ARHGAP26: variants seen among roughly 807,000 people sequenced by gnomAD.
The protein encoded by ARHGAP26 is Rho GTPase activating protein 26.
ARHGAP26 carries 38 observed loss-of-function variants against 104.8 expected under a neutral mutation model. The ratio of observed to expected loss-of-function variants is 0.36; its 90% CI spans 0.28 to 0.48. The LOEUF (loss-of-function observed/expected upper bound fraction) is 0.48, where lower values mean the gene tolerates loss of function less well. ARHGAP26 is among the 20% of genes least tolerant of loss of function. The pLI is 0.99. For synonymous variants in ARHGAP26, 341 were observed against 340.0 expected, an observed-to-expected ratio of 1.00 and a Z score of -0.03; for missense variants, 704 against 947.9, an observed-to-expected ratio of 0.74 and a Z score of 3.38.
Position 142,770,382 on chromosome 5 carries a change from C to A in ARHGAP26, c.-380C>A, listed in dbSNP as rs1182615853. ...CTAGCAGGTTCGAGCGGCCCAGACA[C>A]CGGCGGGGCGGCCGAGGCTGCTGTG... On this transcript the variant is annotated 5_prime_UTR_variant, in exon 1 of 23. Transcript: ENST00000645722. 1 of 188,920 alleles carries A rather than the reference C, an allele frequency of 5.3e-6. No individual in the cohort carries two copies. The highest frequency in any genetic ancestry group is 1.1e-5 in the Non-Finnish European group (1 of 89,682). 11.7% of individuals were successfully genotyped at this position (188,920 alleles called of 1,614,324 possible). A position where few individuals can be genotyped will look rare whatever the true frequency, so the allele number is the denominator to read the frequency against.
rs549566176 is a variant in ARHGAP26 at position 143,036,660 on chromosome 5, CT to C, written c.1145-535del. Among the ~76,000 whole-genome samples the C allele has an allele frequency of 9.2e-5, 14 of 152,284 alleles. No homozygotes were observed. In the East Asian group the frequency reaches 1.7e-3, roughly 19 times the overall value. ...TCTAGAGCAAGTCTCCATGTATTGG[CT>C]CTGCATCTTTGGTCAAGATACTTAG... On this transcript the variant is annotated intron_variant, in intron 12 of 22. Transcript: ENST00000645722.
intron 11 of ARHGAP26, among the ~76,000 whole-genome samples, chr5:143,001,264 A>G (rs553804834): frequency 2.6e-5 from 4 of 152,330 alleles, no homozygotes; most frequent in Admixed American, 2.0e-4. Flanking sequence ...TTACATGGGT[A>G]TATGAAATTG....
intron 12 of ARHGAP26, among the ~76,000 whole-genome samples, chr5:143,029,432 T>C (rs1781563901): frequency 7.9e-6 from 1 of 125,938 alleles, no homozygotes; most frequent in African/African-American, 2.9e-5. Context: ...TGAGGCAGGC[T>C]CTCACTCTGT....
intron 17 of ARHGAP26, among the ~76,000 whole-genome samples, chr5:143,059,484 C>G (rs1221996052): frequency 5.3e-5 from 8 of 152,124 alleles, no homozygotes; most frequent in Non-Finnish European, 1.0e-4. Context: ...AAAACCAAAC[C>G]CTTAAGGTAG....
intron 8 of ARHGAP26, among the ~76,000 whole-genome samples, chr5:142,905,297 C>G (rs907679768): frequency 6.6e-6 from 1 of 152,180 alleles, no homozygotes; most frequent in African/African-American, 2.4e-5. Context: ...TATTCAGACA[C>G]TTCACATGCT....
chr5:143,131,037 C>A (rs1287377043), intron 18 of ARHGAP26, among the ~76,000 whole-genome samples: 1 of 152,176 alleles, frequency 6.6e-6, no homozygotes, highest in Non-Finnish European at 1.5e-5. Flanking sequence ...GGAACTGACC[C>A]TTGGGACTAT....
chr5:142,830,820 G>T (rs966300715), intron 1 of ARHGAP26, among the ~76,000 whole-genome samples: 6 of 152,234 alleles, frequency 3.9e-5, no homozygotes, highest in African/African-American at 1.4e-4. Flanking sequence ...AGACTGCGCC[G>T]TATCCCCCTC....
chr5:142,999,764 T>G (rs1256823348), intron 11 of ARHGAP26, among the ~76,000 whole-genome samples: 1 of 151,854 alleles, frequency 6.6e-6, no homozygotes, highest in Non-Finnish European at 1.5e-5. Context: ...TACAAAAACA[T>G]GAAAAAAAAT....
Position 142,916,203 on chromosome 5 carries a change from T to G in ARHGAP26, c.1028+2910T>G, listed in dbSNP as rs138532527. 5.3e-3 allele frequency among the ~76,000 whole-genome samples: 808 copies of G among 152,370 alleles called. 1 individual carries two copies. The highest frequency in any genetic ancestry group is 0.01 in the Middle Eastern group (3 of 294). On this transcript the variant is annotated intron_variant, in intron 10 of 22. Coordinates refer to ENST00000645722, the MANE Select transcript of ARHGAP26 (RefSeq NM_001135608.3). ...TATTCTATCAAGATACAAATACATG[T>G]TGAAGTGTGAAGTATGTGACTTAGA...
intron 18 of ARHGAP26, among the ~76,000 whole-genome samples, chr5:143,128,895 G>A (rs3776297): frequency 0.22 from 33,870 of 152,112 alleles, 5,328 homozygotes; most frequent in African/African-American, 0.42. Context: ...GGAGCTCTTC[G>A]TCATGACCTA....
At chr5:143,149,632 A>G (rs1362518718) in intron 20 of ARHGAP26, among the ~76,000 whole-genome samples, 1 of 152,160 alleles carries the variant, frequency 6.6e-6, no homozygotes, top group East Asian at 1.9e-4. Context: ...CGGCACACAG[A>G]CGTGCCACGG....
chr5:143,051,179 A>G (rs1470622753), intron 14 of ARHGAP26, among the ~76,000 whole-genome samples: 1 of 152,180 alleles, frequency 6.6e-6, no homozygotes, highest in Admixed American at 6.5e-5. Flanking sequence ...TACATAGGTA[A>G]CTTTCCTAAT....
rs573293702 is a variant in ARHGAP26 at position 142,914,907 on chromosome 5, C to T, written c.1028+1614C>T. 3.0e-4 allele frequency among the ~76,000 whole-genome samples: 45 copies of T among 152,304 alleles called. No homozygotes were observed. In the South Asian group the frequency reaches 8.7e-3, roughly 29 times the overall value. On this transcript the variant is annotated intron_variant, in intron 10 of 22. Coordinates refer to ENST00000645722, the MANE Select transcript of ARHGAP26 (RefSeq NM_001135608.3). ...CAGAAGATCTGTTTGCATGGAAGTACAGCCACCTGTGATGCTCATCAAATG... is the reference window on the plus strand; with the variant it reads ...CAGAAGATCTGTTTGCATGGAAGTATAGCCACCTGTGATGCTCATCAAATG...
chr5:142,834,082 G>A (rs1159467980), intron 1 of ARHGAP26, among the ~76,000 whole-genome samples: 1 of 152,160 alleles, frequency 6.6e-6, no homozygotes, highest in Non-Finnish European at 1.5e-5. Context: ...AAAATTATGA[G>A]CATGATAATT....
rs77489172 is a variant in ARHGAP26 at position 143,030,666 on chromosome 5, A to G, written c.1145-6530A>G. ...ACTCATCTACTCTCAGAGGGTTTAT[A>G]TCAGTTGAAATTGAAAGGTCATTTT... On this transcript the variant is annotated intron_variant, in intron 12 of 22. Coordinates refer to ENST00000645722, the MANE Select transcript of ARHGAP26 (RefSeq NM_001135608.3). Among the ~76,000 whole-genome samples, 1,486 of 152,386 alleles carry G rather than the reference A, an allele frequency of 9.8e-3. 12 individuals carry two copies. Among genetic ancestry groups the G allele is most frequent in the Non-Finnish European group, 0.017 (1,166 of 68,042 alleles).
intron 11 of ARHGAP26, among the ~76,000 whole-genome samples, chr5:143,008,866 G>A (rs1312171782): frequency 6.6e-6 from 1 of 152,176 alleles, no homozygotes; most frequent in African/African-American, 2.4e-5. Flanking sequence ...ATGACTCTGT[G>A]TATTCTCTGT....
intron 1 of ARHGAP26, among the ~76,000 whole-genome samples, chr5:142,803,607 G>A (rs1298821704): frequency 6.6e-6 from 1 of 152,144 alleles, no homozygotes; most frequent in Admixed American, 6.5e-5. Context: ...TCAACCTCAC[G>A]CTATTGCCGA....
intron 14 of ARHGAP26, among the ~76,000 whole-genome samples, chr5:143,052,468 G>GA (rs924912240): frequency 7.1e-4 from 101 of 142,132 alleles, no homozygotes; most frequent in Middle Eastern, 3.6e-3. Flanking sequence ...GACTCTGTCT[G>GA]AAAAAAAAAA....
chr5:142,888,799 C>G (rs1204286668), intron 5 of ARHGAP26, among the ~76,000 whole-genome samples: 1 of 152,202 alleles, frequency 6.6e-6, no homozygotes, highest in African/African-American at 2.4e-5. Flanking sequence ...AAAAGTCTGT[C>G]CAGGCACTGG....
Sources: allele counts gnomAD v4.1 joint callset (sites outside exome capture counted in the v4.1 genomes callset), GRCh38; gene constraint gnomAD v4.1.1; transcripts MANE v1.5; gene names NCBI Gene and HGNC (gene_info 2026-07-23, HGNC 2026-07-21).